SYCP2: variants seen among roughly 807,000 people sequenced by gnomAD.
The protein encoded by SYCP2 is synaptonemal complex lateral element protein.
SYCP2 carries 55 observed loss-of-function variants against 211.3 expected under a neutral mutation model. The observed-to-expected ratio is 0.26, with a 90% CI of 0.21 to 0.33. The LOEUF is 0.33. Ranked by LOEUF, SYCP2 falls within the 10% of genes least tolerant of loss-of-function variation. The pLI is 1.00. For synonymous variants in SYCP2, 570 were observed against 555.2 expected, an observed-to-expected ratio of 1.03 and a Z score of -0.37; for missense variants, 1,731 against 1,752.0, an observed-to-expected ratio of 0.99 and a Z score of 0.21.
Position 59,915,176 on chromosome 20 carries a change from A to G in SYCP2, c.623T>C (p.Leu208Ser), listed in dbSNP as rs1396759562. The G allele has an allele frequency of 3.2e-6, 5 of 1,577,978 alleles. No individual in the cohort carries two copies. The Admixed American group carries it at 8.4e-5, about 27-fold the overall frequency. The change falls in exon 10 of 45, where the codon TTA becomes TCA. Residue 208 changes from leucine (L) to serine (S), a missense_variant. Around this residue, in one of 3 missense-constraint regions of SYCP2, gnomAD observed 335 missense variants for 378.8 expected, o/e 0.88. Transcript: ENST00000357552. ...ILMSSMGERI[L>S]DAGDYDLQVG... ...AAAGACATACTTACCTCCAGCATCT[A>G]AAATCCTTTCTCCCATACTACTCCT...
intron 2 of SYCP2, among the ~76,000 whole-genome samples, chr20:59,923,891 AG>A (rs1261809611): frequency 6.6e-6 from 1 of 151,968 alleles, no homozygotes; most frequent in African/African-American, 2.4e-5. Flanking sequence ...ACACAAAGTA[AG>A]GTGATAGATT....
At chr20:59,923,598 G>A (rs558344273) in intron 2 of SYCP2, among the ~76,000 whole-genome samples, 1 of 151,766 alleles carries the variant, frequency 6.6e-6, no homozygotes, top group African/African-American at 2.4e-5. Flanking sequence ...AGCTACTCTG[G>A]AGGCTGGGGT....
intron 7 of SYCP2, among the ~76,000 whole-genome samples, chr20:59,918,883 CTAT>C (rs563354353): frequency 1.4e-4 from 21 of 152,174 alleles, no homozygotes; most frequent in African/African-American, 4.3e-4. Context: ...AATTGTACAA[CTAT>C]TATATTTTCA....
At chr20:59,902,570 A>T (rs995907489) in intron 15 of SYCP2, among the ~76,000 whole-genome samples, 5 of 152,118 alleles carry the variant, frequency 3.3e-5, no homozygotes, top group Non-Finnish European at 7.4e-5. Context: ...AGGATCACAC[A>T]AAGTAGGGAA....
At chr20:59,894,097 C>T (rs942800664) in intron 20 of SYCP2, among the ~76,000 whole-genome samples, 5 of 152,018 alleles carry the variant, frequency 3.3e-5, no homozygotes, top group African/African-American at 1.2e-4. Flanking sequence ...GCAAGCTTCC[C>T]TATTTCCATA....
intron 8 of SYCP2, 89 bp downstream of exon 8, chr20:59,916,397 C>A: frequency 1.4e-6 from 1 of 730,718 alleles, no homozygotes; most frequent in Non-Finnish European, 2.4e-6. Flanking sequence ...GTAATTTTGT[C>A]CTACATGAAA....
intron 2 of SYCP2, among the ~76,000 whole-genome samples, chr20:59,924,531 T>C (rs759691826): frequency 6.6e-6 from 1 of 151,966 alleles, no homozygotes; most frequent in Non-Finnish European, 1.5e-5. Context: ...TTCTCCATAA[T>C]GTGCTCATTT....
At chr20:59,931,471 T>C (rs2060739339) in intron 2 of SYCP2, among the ~76,000 whole-genome samples, 1 of 150,944 alleles carries the variant, frequency 6.6e-6, no homozygotes, top group Non-Finnish European at 1.5e-5. Context: ...TTTGAGACTA[T>C]TTTATTTTAC....
At chr20:59,869,729 C>T (rs1019385840) in intron 36 of SYCP2, 69 bp downstream of exon 36, 2 of 814,724 alleles carry the variant, frequency 2.5e-6, no homozygotes, top group African/African-American at 3.5e-5. Flanking sequence ...CACTAAAGGT[C>T]AGTAATCTGA....
chr20:59,865,112 C>CA (rs1344127624), intron 44 of SYCP2, among the ~76,000 whole-genome samples: 1 of 152,010 alleles, frequency 6.6e-6, no homozygotes, highest in East Asian at 1.9e-4. Flanking sequence ...CTGCAGTACC[C>CA]AGTGTTTAGA....
chr20:59,886,083 A>G (rs2059782329), intron 25 of SYCP2, 119 bp from the exon 26 acceptor site: 2 of 724,364 alleles, frequency 2.8e-6, no homozygotes, highest in African/African-American at 3.6e-5. Flanking sequence ...AATAACCAAA[A>G]TGTAACAGTA....
At chr20:59,922,036 G>A (rs866520927) in intron 3 of SYCP2, among the ~76,000 whole-genome samples, 1 of 151,514 alleles carries the variant, frequency 6.6e-6, no homozygotes, top group Non-Finnish European at 1.5e-5. Flanking sequence ...CTGCATACAT[G>A]TTGAATAGAT....
chr20:59,932,969 G>T (rs1008490712), intron 1 of SYCP2, among the ~76,000 whole-genome samples: 2 of 151,904 alleles, frequency 1.3e-5, no homozygotes, highest in African/African-American at 4.8e-5. Context: ...GGCCGAAGGC[G>T]AAGTCCCTGC....
intron 14 of SYCP2, among the ~76,000 whole-genome samples, chr20:59,909,475 G>C (rs1001894959): frequency 6.6e-6 from 1 of 152,094 alleles, no homozygotes; most frequent in Non-Finnish European, 1.5e-5. Flanking sequence ...ACTGCCTCTA[G>C]TGTTTTTTCT....
rs147602405 is a variant in SYCP2 at position 59,903,312 on chromosome 20, A to G, written c.1034-1502T>C. 7.6e-4 allele frequency among the ~76,000 whole-genome samples: 116 copies of G among 152,264 alleles called. 1 individual carries two copies. The highest frequency in any genetic ancestry group is 1.5e-3 in the Non-Finnish European group (99 of 67,980). On this transcript the variant is annotated intron_variant, in intron 15 of 44. Transcript: ENST00000357552. The stretch of plus-strand genomic sequence containing the variant: ...AAAATCCAAGTATTTATGGATATCA[A>G]TATGTCAAGATTTTATAACATAAGA...
At chr20:59,874,872 A>C (rs994713693) in intron 34 of SYCP2, among the ~76,000 whole-genome samples, 4 of 152,164 alleles carry the variant, frequency 2.6e-5, no homozygotes, top group South Asian at 2.1e-4. Flanking sequence ...CCACAGAATG[A>C]GCAAGATATT....
Position 59,916,510 on chromosome 20 carries a change from T to C in SYCP2, c.489A>G (p.Arg163=), listed in dbSNP as rs778838246. 2 of 1,610,468 alleles carry C rather than the reference T, an allele frequency of 1.2e-6. No homozygotes were observed. Among genetic ancestry groups the C allele is most frequent in the South Asian group, 2.2e-5 (2 of 90,940 alleles). Residue 163 remains arginine (R), a synonymous_variant, in exon 8 of 45, where the codon AGA becomes AGG. Transcript: ENST00000357552. ...CCTCTTGCTGAATACAAATATTCAC[T>C]CTTGAGTCAATAACCAGGGAACAAA... The part of the protein sequence containing the change: ...PRICSLVIDS[R]VNICIQQEII...
At chr20:59,887,856 C>T (rs1600862927) in intron 24 of SYCP2, among the ~76,000 whole-genome samples, 1 of 151,898 alleles carries the variant, frequency 6.6e-6, no homozygotes, top group Non-Finnish European at 1.5e-5. Flanking sequence ...GCCATCACTG[C>T]TGATCACATA....
rs140187741 is a variant in SYCP2, at chr20:59,892,841, C to A, written c.1794-140G>T. The A allele has an allele frequency of 2.1e-5, 15 of 698,062 alleles. No homozygotes were observed. In the East Asian group the frequency reaches 3.8e-4, roughly 18 times the overall value. The allele number at this position is 698,062 out of a possible 1,614,324, so 43.2% of individuals were successfully genotyped here. A position where few individuals can be genotyped will look rare whatever the true frequency, so the allele number is the denominator to read the frequency against. On this transcript the variant is annotated intron_variant, in intron 22 of 44. Coordinates refer to ENST00000357552, the MANE Select transcript of SYCP2 (RefSeq NM_014258.4). ...TGGAAATTTATCTTATCTTACAGTT[C>A]TACTGTATATTTATATTTCTACACA...
Sources: gnomAD v4.1 joint callset for allele counts (sites outside exome capture counted in the v4.1 genomes callset) on GRCh38, gnomAD v4.1.1 for gene constraint, gnomAD v4.1.1 regional missense constraint, MANE v1.5 for transcripts, NCBI Gene and HGNC (gene_info 2026-07-23, HGNC 2026-07-21) for gene names.